NSD3: variants seen among roughly 807,000 people sequenced by gnomAD.
The protein encoded by NSD3 is histone-lysine N-methyltransferase NSD3.
Under a neutral mutation model 160.8 loss-of-function variants are expected in NSD3, and 24 were observed. That is an observed-to-expected ratio of 0.15 (90% confidence interval 0.11 to 0.21). The LOEUF (loss-of-function observed/expected upper bound fraction) is 0.21. NSD3 is among the 10% of genes least tolerant of loss of function. The pLI, the probability that NSD3 is intolerant of heterozygous loss-of-function variation, is 1.00. For synonymous variants in NSD3, 520 were observed against 600.0 expected (o/e 0.87, Z 1.95); for missense variants, 1,157 against 1,735.9 (o/e 0.67, Z 5.93).
rs61746935 is a variant in NSD3, at chr8:38,329,878, G to A, written c.1081C>T (p.Pro361Ser). 481 of 1,583,630 alleles carry A rather than the reference G, an allele frequency of 3.0e-4. No individual in the cohort carries two copies. The highest frequency in any genetic ancestry group is 4.0e-4 in the Non-Finnish European group (463 of 1,167,816). Residue 361 changes from proline (P) to serine (S), a missense_variant, in exon 6 of 24, where the codon CCT becomes TCT. Physicochemically the swap from Pro to Ser is moderately conservative, Grantham distance 74. Transcript: ENST00000317025. The surrounding 1 kb of genome is among the most constrained non-coding windows in gnomAD (Gnocchi z 4.8). ...TCCCACTGAGCACGTTCTCTCTGAG[G>A]TCGGGGTTTCCGAATCTTTAAAAAA... ...SEKQKIRKPR[P>S]QRERAQWDIG...
intron 12 of NSD3, among the ~76,000 whole-genome samples, chr8:38,313,204 T>C (rs188305214): frequency 1.3e-5 from 2 of 152,284 alleles, no homozygotes; most frequent in East Asian, 3.9e-4. Flanking sequence ...TGTGTGTGTG[T>C]ATTTGTGTGT....
chr8:38,380,705 A>G (rs1316462512), intron 1 of NSD3: 1 of 152,198 alleles, frequency 6.6e-6, no homozygotes, highest in Non-Finnish European at 1.5e-5. Context: ...GCGGTTATGA[A>G]TAATTTAAAA....
rs1227604436 is a variant in NSD3, at chr8:38,275,182, T to G, written c.*459A>C. The G allele has an allele frequency of 8.2e-6, 2 of 242,528 alleles. No individual in the cohort carries two copies. The highest frequency in any genetic ancestry group is 4.4e-5 in the African/African-American group (2 of 45,404). 15.0% of individuals were successfully genotyped at this position (242,528 alleles called of 1,614,324 possible). A position where few individuals can be genotyped will look rare whatever the true frequency, so the allele number is the denominator to read the frequency against. ...CTAGAGGGCTTTCTCAGATTCCTAC[T>G]TAAAACACACACACACTTGATTAGA... On this transcript the variant is annotated 3_prime_UTR_variant, in exon 24 of 24. Coordinates refer to ENST00000317025, the MANE Select transcript of NSD3 (RefSeq NM_023034.2).
At chr8:38,283,073 T>C (rs556251075) in intron 19 of NSD3, among the ~76,000 whole-genome samples, 1 of 152,346 alleles carries the variant, frequency 6.6e-6, no homozygotes, top group African/African-American at 2.4e-5. Context: ...ACCATCGTTA[T>C]GTTCCCACCA....
intron 10 of NSD3, 79 bp downstream of exon 10, chr8:38,315,833 C>T: frequency 3.3e-6 from 5 of 1,538,252 alleles, no homozygotes; most frequent in Non-Finnish European, 4.4e-6. Flanking sequence ...TTTAAAATGT[C>T]CTGATTTCCC....
intron 1 of NSD3, among the ~76,000 whole-genome samples, chr8:38,357,382 G>A (rs1279961145): frequency 1.3e-5 from 2 of 151,994 alleles, no homozygotes; most frequent in East Asian, 3.9e-4. Context: ...AAGCAAGGTC[G>A]CTAACCTACC....
At chr8:38,360,748 G>C (rs974154723) in intron 1 of NSD3, among the ~76,000 whole-genome samples, 69 of 151,940 alleles carry the variant, frequency 4.5e-4, no homozygotes, top group African/African-American at 1.5e-3. Flanking sequence ...TGGAAAATCT[G>C]CTTGCTTAAA....
chr8:38,331,299 C>T (rs183616372), intron 5 of NSD3, 132 bp downstream of exon 5: 38 of 1,064,150 alleles, frequency 3.6e-5, no homozygotes, highest in South Asian at 6.4e-5. Context: ...TTTACCATTA[C>T]GATTAAAACA....
intron 14 of NSD3, among the ~76,000 whole-genome samples, chr8:38,300,681 A>T (rs974945661): frequency 1.3e-5 from 2 of 152,168 alleles, no homozygotes; most frequent in African/African-American, 4.8e-5. Context: ...TCCCCCAGTT[A>T]ATTCATGATG....
At chr8:38,281,060 A>ATGTTCT in intron 20 of NSD3, among the ~76,000 whole-genome samples, 1 of 152,256 alleles carries the variant, frequency 6.6e-6, no homozygotes, top group East Asian at 1.9e-4. Context: ...CCTGCCGAAA[A>ATGTTCT]GTTTTAATAT....
chr8:38,331,653 G>C, intron 4 of NSD3, 68 bp from the exon 5 acceptor site: 1 of 1,544,732 alleles, frequency 6.5e-7, no homozygotes. Context: ...CCAAAAATGG[G>C]AATCTAACCC....
At position 38,316,661 on chromosome 8, in the gene NSD3, A is replaced by G; in HGVS notation, c.1856-619T>C. 9.5e-7 allele frequency: 1 copy of G among 1,054,108 alleles called. No individual in the cohort carries two copies. Among genetic ancestry groups the G allele is most frequent in the Non-Finnish European group, 1.1e-6 (1 of 872,230 alleles). 65.3% of individuals were successfully genotyped at this position (1,054,108 alleles called of 1,614,324 possible). On this transcript the variant is annotated intron_variant, in intron 9 of 23. Transcript: ENST00000317025. The surrounding 1 kb of genome is among the most constrained non-coding windows in gnomAD (Gnocchi z 4.5). ...GCAGCACATCTACATATGTCATGCC[A>G]TTTAGAAGGCACATTGCTGAGGGCT...
chr8:38,344,793 T>C (rs1440459646), intron 2 of NSD3, among the ~76,000 whole-genome samples: 1 of 152,200 alleles, frequency 6.6e-6, no homozygotes, highest in Non-Finnish European at 1.5e-5. Context: ...AGCTGTCCAG[T>C]GAAGTCAGTG....
intron 22 of NSD3, among the ~76,000 whole-genome samples, chr8:38,277,225 A>G (rs1808622403): frequency 6.6e-6 from 1 of 152,168 alleles, no homozygotes; most frequent in African/African-American, 2.4e-5. Context: ...TACAGGCATG[A>G]GCCACTGCGC....
At chr8:38,356,883 G>C (rs996737667) in intron 1 of NSD3, among the ~76,000 whole-genome samples, 1 of 151,630 alleles carries the variant, frequency 6.6e-6, no homozygotes, top group Non-Finnish European at 1.5e-5. Context: ...CTTTGGGAGG[G>C]TGAGGTGGGT....
intron 3 of NSD3, among the ~76,000 whole-genome samples, chr8:38,337,967 G>A (rs539435652): frequency 6.6e-6 from 1 of 152,288 alleles, no homozygotes; most frequent in African/African-American, 2.4e-5. Context: ...AGATAGGATT[G>A]ATGGTTTCTG....
chr8:38,337,270 C>T (rs760478525), intron 4 of NSD3, 35 bp downstream of exon 4: 1 of 1,506,634 alleles, frequency 6.6e-7, no homozygotes, highest in African/African-American at 1.4e-5. Context: ...TTATTTCCAA[C>T]CTTTTACTTA....
At chr8:38,294,936 G>A (rs775086350) in intron 16 of NSD3, among the ~76,000 whole-genome samples, 1 of 151,422 alleles carries the variant, frequency 6.6e-6, no homozygotes, top group Non-Finnish European at 1.5e-5. Flanking sequence ...AAGGTCAGGA[G>A]ATCGAGACCA....
At position 38,357,320 on chromosome 8, in the gene NSD3, T is replaced by C. The variant is rs969528641; in HGVS notation, c.-44-9105A>G. On this transcript the variant is annotated intron_variant, in intron 1 of 23. Transcript: ENST00000317025. Reference sequence around the variant, plus strand: ...ATTAAAATCCTTCAATGGTTTCCCATTGCCCAGAAAAAGGCCAAGCACTTA... The same window carrying C: ...ATTAAAATCCTTCAATGGTTTCCCACTGCCCAGAAAAAGGCCAAGCACTTA... 7.2e-5 allele frequency among the ~76,000 whole-genome samples: 11 copies of C among 152,062 alleles called. 1 individual carries two copies. Among genetic ancestry groups the C allele is most frequent in the Middle Eastern group, 3.4e-3 (1 of 294 alleles).
Sources: allele counts gnomAD v4.1 joint callset (sites outside exome capture counted in the v4.1 genomes callset), GRCh38; gene constraint gnomAD v4.1.1; non-coding constraint Gnocchi (gnomAD v3.1); transcripts MANE v1.5; gene names NCBI Gene and HGNC (gene_info 2026-07-23, HGNC 2026-07-21).